The following PLEKHM1 variants were observed in gnomAD, a reference collection of about 807,000 sequenced individuals.
The protein encoded by PLEKHM1 is pleckstrin homology domain-containing family M member 1.
Under a neutral mutation model 94.3 loss-of-function variants are expected in PLEKHM1, and 28 were observed. The ratio of observed to expected loss-of-function variants is 0.30; its 90% CI spans 0.22 to 0.41. The LOEUF is 0.41. Among genes scored for constraint, PLEKHM1 ranks in the 10% least tolerant of loss-of-function variants. The pLI, the probability that PLEKHM1 is intolerant of heterozygous loss-of-function variation, is 1.00. For missense variants in PLEKHM1, 907 were observed against 1,358.6 expected (o/e 0.67, Z 5.22); for synonymous variants, 424 against 581.2 (o/e 0.73, Z 3.89).
In PLEKHM1 at chr17:45,439,638, C is replaced by T. The variant is rs371385267; in HGVS notation, c.2902-4G>A. 2.3e-5 allele frequency: 37 copies of T among 1,613,712 alleles called. 1 individual carries two copies. Among genetic ancestry groups the T allele is most frequent in the Middle Eastern group, 1.6e-4 (1 of 6,080 alleles). On this transcript the variant is annotated splice_polypyrimidine_tract_variant and splice_region_variant and intron_variant, in intron 10 of 11. Coordinates refer to ENST00000430334, the MANE Select transcript of PLEKHM1 (RefSeq NM_014798.3). ...CTTCATACACCCCGTCTGCGATCTGCGGAGGGCAAGTAGGAATCCTTCATA... is the reference window on the plus strand; with the variant it reads ...CTTCATACACCCCGTCTGCGATCTGTGGAGGGCAAGTAGGAATCCTTCATA...
intron 1 of PLEKHM1, chr17:45,487,945 A>G (rs1272124955): frequency 1.6e-5 from 6 of 368,352 alleles, no homozygotes; most frequent in African/African-American, 1.1e-4. Context: ...TTGGAAAAGA[A>G]TGACAAAGTT....
rs143090711 is a variant in PLEKHM1, at chr17:45,439,545, G to A, written c.2991C>T (p.Arg997=). Residue 997 remains arginine, a synonymous_variant, in exon 11 of 12, where the codon CGC becomes CGT. Coordinates refer to ENST00000430334, the MANE Select transcript of PLEKHM1 (RefSeq NM_014798.3). The part of the protein sequence containing the change: ...HVYHCDLCTQ[R]GFICQICQHH... Reference sequence around the variant, plus strand: ...GCTGGCAGATCTGGCAGATGAAGCCGCGCTGGGTGCACAGGTCGCAGTGGT... The same window carrying A: ...GCTGGCAGATCTGGCAGATGAAGCCACGCTGGGTGCACAGGTCGCAGTGGT... The A allele has an allele frequency of 1.2e-4, 188 of 1,614,216 alleles. No homozygotes were observed. The African/African-American group carries it at 1.9e-3, about 16-fold the overall frequency.
At chr17:45,475,035 G>C in intron 4 of PLEKHM1, 65 bp downstream of exon 4, 1 of 1,551,562 alleles carries the variant, frequency 6.4e-7, no homozygotes, top group Non-Finnish European at 8.9e-7. Context: ...GGGAAGAAAG[G>C]GAGGAGGAGA....
chr17:45,472,326 G>C (rs1441941300), intron 4 of PLEKHM1, among the ~76,000 whole-genome samples: 3 of 152,178 alleles, frequency 2.0e-5, no homozygotes, highest in Admixed American at 6.5e-5. Context: ...CCACTGTCCG[G>C]CATTTGTCTA....
intron 5 of PLEKHM1, among the ~76,000 whole-genome samples, chr17:45,460,830 G>A (rs2051129978): frequency 6.6e-6 from 1 of 152,016 alleles, no homozygotes. Context: ...AAGTGCTGAG[G>A]TCACAGGCAT....
At chr17:45,461,620 A>C (rs1011281104) in intron 5 of PLEKHM1, among the ~76,000 whole-genome samples, 2 of 152,146 alleles carry the variant, frequency 1.3e-5, no homozygotes, top group African/African-American at 4.8e-5. Context: ...CTGTCCCAGC[A>C]TGTAGGGTTT....
chr17:45,439,448 G>A, intron 11 of PLEKHM1, 29 bp downstream of exon 11: 2 of 1,613,754 alleles, frequency 1.2e-6, no homozygotes, highest in Non-Finnish European at 1.7e-6. Flanking sequence ...GGTGGGGCTG[G>A]AAGGCGGCTG....
Position 45,475,258 on chromosome 17 carries a change from G to A in PLEKHM1, c.765C>T (p.Asp255=). ...AGGACAGCTGGGATGAACTGGCCGT[G>A]TCCAGGCTGAGGGAGGAGGCAGTCA... The part of the protein sequence containing the change: ...QKLTASSLSL[D]TASSSQLSCS... The change falls in exon 4 of 12, where the codon GAC becomes GAT. Residue 255 remains aspartate (D), a synonymous_variant. Coordinates refer to ENST00000430334, the MANE Select transcript of PLEKHM1 (RefSeq NM_014798.3). 6.2e-7 allele frequency: 1 copy of A among 1,613,998 alleles called. No homozygotes were observed. The highest frequency in any genetic ancestry group is 8.5e-7 in the Non-Finnish European group (1 of 1,179,866).
At chr17:45,476,823 T>C (rs1237181273) in intron 3 of PLEKHM1, among the ~76,000 whole-genome samples, 1 of 152,150 alleles carries the variant, frequency 6.6e-6, no homozygotes, top group Non-Finnish European at 1.5e-5. Context: ...CGCAGGTTTA[T>C]CTCCTCCATG....
intron 5 of PLEKHM1, among the ~76,000 whole-genome samples, chr17:45,463,554 G>A (rs1272197383): frequency 4.6e-5 from 7 of 152,166 alleles, no homozygotes; most frequent in African/African-American, 1.2e-4. Flanking sequence ...CATCATGCCC[G>A]GCTAATTTTT....
chr17:45,436,165 G>A lies in PLEKHM1; in HGVS notation c.*1693C>T, dbSNP rs537550168. 32 of 455,374 alleles carry A rather than the reference G, an allele frequency of 7.0e-5. No individual in the cohort carries two copies. The highest frequency in any genetic ancestry group is 4.5e-4 in the South Asian group (29 of 64,524). 28.2% of individuals were successfully genotyped at this position (455,374 alleles called of 1,614,324 possible). A position where few individuals can be genotyped will look rare whatever the true frequency, so the allele number is the denominator to read the frequency against. ...ACCTGCTGCCTCCGAGGGCACCTTC[G>A]GGGAGAATCCTCACAGGCCCAAGCC... is the stretch of plus-strand genomic sequence containing the variant. On this transcript the variant is annotated 3_prime_UTR_variant, in exon 12 of 12. Transcript: ENST00000430334.
intron 1 of PLEKHM1, among the ~76,000 whole-genome samples, chr17:45,486,919 G>A (rs1445430774): frequency 6.6e-6 from 1 of 152,174 alleles, no homozygotes; most frequent in East Asian, 1.9e-4. Context: ...ACAGTACTGC[G>A]TCACCCACCC....
chr17:45,447,382 G>C (rs140719617), intron 8 of PLEKHM1, among the ~76,000 whole-genome samples: 100 of 152,392 alleles, frequency 6.6e-4, no homozygotes, highest in African/African-American at 2.3e-3. Flanking sequence ...TCAAGCTGCT[G>C]TTCTCCAGTC....
intron 2 of PLEKHM1, among the ~76,000 whole-genome samples, chr17:45,479,202 T>C (rs1387433468): frequency 2.6e-5 from 4 of 151,902 alleles, no homozygotes; most frequent in African/African-American, 9.7e-5. Flanking sequence ...GATGAAACCC[T>C]GTCTCTACTA....
intron 11 of PLEKHM1, 39 bp downstream of exon 11, chr17:45,439,438 G>A: frequency 6.2e-7 from 1 of 1,612,152 alleles, no homozygotes; most frequent in Non-Finnish European, 8.5e-7. Context: ...TGTGGGGAAG[G>A]GTGGGGCTGG....
At chr17:45,454,766 T>C (rs912711692) in intron 6 of PLEKHM1, 3 of 247,892 alleles carry the variant, frequency 1.2e-5, no homozygotes, top group Non-Finnish European at 2.4e-5. Context: ...CTCGTCTCCA[T>C]GCACTTCCCT....
chr17:45,452,769 G>A (rs1309419720), intron 7 of PLEKHM1: 1 of 166,932 alleles, frequency 6.0e-6, no homozygotes, highest in African/African-American at 2.4e-5. Context: ...CAAGAGCCCC[G>A]TGTGTCCCCT....
rs200998244 is a variant in PLEKHM1, at chr17:45,475,326, C to T, written c.697G>A (p.Glu233Lys). The change falls in exon 4 of 12, where the codon GAA becomes AAA. Residue 233 changes from glutamate to lysine, a missense_variant. Glu to Lys is a moderately conservative substitution (Grantham distance 56). Coordinates refer to ENST00000430334, the MANE Select transcript of PLEKHM1 (RefSeq NM_014798.3). ...ISHSSGSEDIEVHHSGHKIRR... is the reference protein window; with the variant it reads ...ISHSSGSEDIKVHHSGHKIRR... ...ATCTTATGGCCCGAGTGATGGACTT[C>T]GATGTCTTCAGAGCCTGAAGAATGG... The T allele has an allele frequency of 2.7e-4, 430 of 1,613,782 alleles. No homozygotes were observed. Among genetic ancestry groups the T allele is most frequent in the Non-Finnish European group, 3.2e-4 (377 of 1,179,872 alleles).
chr17:45,474,901 T>C (rs1432345640), intron 4 of PLEKHM1, among the ~76,000 whole-genome samples, 199 bp downstream of exon 4: 1 of 152,174 alleles, frequency 6.6e-6, no homozygotes, highest in African/African-American at 2.4e-5. Context: ...CTAAGTCCAC[T>C]TTCTCCACTA....
Sources: gnomAD v4.1 joint callset for allele counts (sites outside exome capture counted in the v4.1 genomes callset) on GRCh38, gnomAD v4.1.1 for gene constraint, MANE v1.5 for transcripts, NCBI Gene and HGNC (gene_info 2026-07-23, HGNC 2026-07-21) for gene names.